The following PARP1 variants were observed in gnomAD, a reference collection of about 807,000 sequenced individuals.
The protein encoded by PARP1 is poly [ADP-ribose] polymerase 1.
A neutral mutation model predicts 118.7 loss-of-function variants in PARP1; 44 were observed. That is an observed-to-expected ratio of 0.37 (90% confidence interval 0.29 to 0.48). The LOEUF (loss-of-function observed/expected upper bound fraction) is 0.48, where lower values mean the gene tolerates loss of function less well. Among genes scored for constraint, PARP1 ranks in the 20% least tolerant of loss-of-function variants. PARP1 has a pLI of 0.99. For synonymous variants in PARP1, 492 were observed against 483.2 expected, an observed-to-expected ratio of 1.02 and a Z score of -0.24; for missense variants, 1,100 against 1,272.4, an observed-to-expected ratio of 0.86 and a Z score of 2.06.
At chr1:226,389,712 G>A (rs1266556959) in intron 4 of PARP1, among the ~76,000 whole-genome samples, 4 of 152,146 alleles carry the variant, frequency 2.6e-5, no homozygotes, top group South Asian at 2.1e-4. Flanking sequence ...ATGAACAGGC[G>A]TTATGAACTG....
At chr1:226,400,999 C>T (rs1256161673) in intron 2 of PARP1, among the ~76,000 whole-genome samples, 6 of 152,136 alleles carry the variant, frequency 3.9e-5, no homozygotes, top group African/African-American at 1.4e-4. Context: ...CTCCCTCTCT[C>T]TTGCTGCCCT....
intron 13 of PARP1, among the ~76,000 whole-genome samples, chr1:226,376,412 G>A (rs1664488514): frequency 6.6e-6 from 1 of 152,176 alleles, no homozygotes; most frequent in South Asian, 2.1e-4. Context: ...AATAATTTGG[G>A]ACTAATAAAG....
At chr1:226,362,614 A>G (rs1664166360) in intron 21 of PARP1, among the ~76,000 whole-genome samples, 1 of 152,226 alleles carries the variant, frequency 6.6e-6, no homozygotes, top group Non-Finnish European at 1.5e-5. Flanking sequence ...CACTTCAACC[A>G]GGCAGTGGAA....
intron 2 of PARP1, among the ~76,000 whole-genome samples, chr1:226,393,765 C>G (rs1203416013): frequency 6.6e-6 from 1 of 152,150 alleles, no homozygotes; most frequent in Non-Finnish European, 1.5e-5. Flanking sequence ...TATAACTCAA[C>G]GGGGTCTATG....
chr1:226,379,277 GTC>G lies in PARP1; in HGVS notation c.1613-5_1613-4del. Reference sequence around the variant, plus strand: ...GACATGCGCAGAGTGTTCCAGTCCTGTCCCAGAGGAAAAGCACCTACAGTTTT... The same window carrying G: ...GACATGCGCAGAGTGTTCCAGTCCTGCCAGAGGAAAAGCACCTACAGTTTT... On this transcript the variant is annotated splice_polypyrimidine_tract_variant and splice_region_variant and intron_variant, in intron 11 of 22. Coordinates refer to ENST00000366794, the MANE Select transcript of PARP1 (RefSeq NM_001618.4). The G allele has an allele frequency of 1.2e-6, 2 of 1,614,222 alleles. No homozygotes were observed. The highest frequency in any genetic ancestry group is 1.7e-6 in the Non-Finnish European group (2 of 1,180,030).
chr1:226,381,293 A>G (rs1664601772), intron 8 of PARP1, 85 bp from the exon 9 acceptor site: 1 of 1,510,488 alleles, frequency 6.6e-7, no homozygotes, highest in Non-Finnish European at 9.2e-7. Flanking sequence ...AGGTGAGCCA[A>G]GCAGCGAGCT....
rs933209014 is a variant in PARP1 at position 226,374,282 on chromosome 1, G to A, written c.2014C>T (p.Leu672Phe). ...KSKLPKPVQD[L>F]IKMIFDVESM... is the part of the protein sequence containing the mutation. ...TCCACATCAAAGATCATCTTGATGAGGTCCTGAACTGGCTTGGGGAGCTTG... is the reference window on the plus strand; with the variant it reads ...TCCACATCAAAGATCATCTTGATGAAGTCCTGAACTGGCTTGGGGAGCTTG... Residue 672 changes from leucine to phenylalanine, a missense_variant, in exon 14 of 23, where the codon CTC becomes TTC. Transcript: ENST00000366794. 2 of 1,613,930 alleles carry A rather than the reference G, an allele frequency of 1.2e-6. No individual in the cohort carries two copies. The highest frequency in any genetic ancestry group is 8.5e-7 in the Non-Finnish European group (1 of 1,179,928).
intron 14 of PARP1, 171 bp from the exon 15 acceptor site, chr1:226,370,688 C>T: frequency 1.5e-6 from 1 of 671,386 alleles, no homozygotes; most frequent in Non-Finnish European, 2.7e-6. Flanking sequence ...CCCACCCCAC[C>T]ATGAGGGATG....
At position 226,364,076 on chromosome 1, in the gene PARP1, A is replaced by G; in HGVS notation, c.2659-6T>C. On this transcript the variant is annotated splice_region_variant and splice_polypyrimidine_tract_variant and intron_variant, in intron 19 of 22. Coordinates refer to ENST00000366794, the MANE Select transcript of PARP1 (RefSeq NM_001618.4). ...TTACCAAACATGTAGCCTGTCTGGAAGGTCGGAAAAGGGAGAGCTGAGAAT... is the reference window on the plus strand; with the variant it reads ...TTACCAAACATGTAGCCTGTCTGGAGGGTCGGAAAAGGGAGAGCTGAGAAT... 1 of 1,613,776 alleles carries G rather than the reference A, an allele frequency of 6.2e-7. No individual in the cohort carries two copies. Among genetic ancestry groups the G allele is most frequent in the Non-Finnish European group, 8.5e-7 (1 of 1,179,726 alleles).
intron 14 of PARP1, among the ~76,000 whole-genome samples, chr1:226,372,789 G>A (rs958702136): frequency 6.6e-6 from 1 of 152,210 alleles, no homozygotes; most frequent in African/African-American, 2.4e-5. Context: ...AGACCAAGGT[G>A]TGGGAGACTG....
chr1:226,397,127 A>C (rs563844967), intron 2 of PARP1, among the ~76,000 whole-genome samples: 2 of 150,202 alleles, frequency 1.3e-5, no homozygotes, highest in East Asian at 3.9e-4. Context: ...TCCCTTGGGC[A>C]ACACAGTGAG....
chr1:226,367,712 G>T, intron 16 of PARP1, 104 bp from the exon 17 acceptor site: 2 of 1,329,026 alleles, frequency 1.5e-6, no homozygotes, highest in South Asian at 1.2e-5. Context: ...CCAACACAGT[G>T]AATGGCAAAC....
intron 4 of PARP1, among the ~76,000 whole-genome samples, chr1:226,389,685 C>A (rs1664786463): frequency 6.6e-6 from 1 of 152,120 alleles, no homozygotes. Context: ...CATTCTAGAG[C>A]CCCATGTGCT....
chr1:226,399,073 C>CTTTT (rs34094559), intron 2 of PARP1, among the ~76,000 whole-genome samples: 1 of 125,792 alleles, frequency 7.9e-6, no homozygotes, highest in Non-Finnish European at 1.6e-5. Context: ...ATGGAGGAAT[C>CTTTT]TTTTTTTTTT....
intron 4 of PARP1, among the ~76,000 whole-genome samples, 158 bp from the exon 5 acceptor site, chr1:226,388,913 A>G (rs1664771074): frequency 6.6e-6 from 1 of 152,140 alleles, no homozygotes; most frequent in Admixed American, 6.5e-5. Context: ...CAGTGCCCTT[A>G]GGCGATCACT....
At chr1:226,380,593 T>A (rs1200002607) in intron 9 of PARP1, among the ~76,000 whole-genome samples, 1 of 152,212 alleles carries the variant, frequency 6.6e-6, no homozygotes, top group Non-Finnish European at 1.5e-5. Context: ...TCTATGCACA[T>A]CTTACAGAGC....
chr1:226,400,525 T>C (rs1665014212), intron 2 of PARP1, among the ~76,000 whole-genome samples: 2 of 152,218 alleles, frequency 1.3e-5, no homozygotes, highest in Admixed American at 1.3e-4. Context: ...TACCTGACAG[T>C]GGCTGCTGGT....
At chr1:226,407,271 G>C (rs1665167171) in intron 1 of PARP1, among the ~76,000 whole-genome samples, 1 of 151,816 alleles carries the variant, frequency 6.6e-6, no homozygotes, top group Non-Finnish European at 1.5e-5. Flanking sequence ...TGAATGTACT[G>C]TACAGAAATG....
At chr1:226,401,786 G>A (rs993813208) in intron 2 of PARP1, among the ~76,000 whole-genome samples, 1 of 152,134 alleles carries the variant, frequency 6.6e-6, no homozygotes, top group African/African-American at 2.4e-5. Flanking sequence ...ATAGAATGTA[G>A]AGCATCAGGA....
Sources: allele counts gnomAD v4.1 joint callset (sites outside exome capture counted in the v4.1 genomes callset), GRCh38; gene constraint gnomAD v4.1.1; transcripts MANE v1.5; gene names NCBI Gene and HGNC (gene_info 2026-07-23, HGNC 2026-07-21).